Variants in ANO2 observed in about 807,000 individuals in gnomAD.
The protein encoded by ANO2 is anoctamin-2.
ANO2 carries 101 observed loss-of-function variants against 124.2 expected under a neutral mutation model. That is an observed-to-expected ratio of 0.81 (90% CI 0.69 to 0.96). The LOEUF is 0.96. Among genes scored for constraint, ANO2 ranks in the 40% least tolerant of loss-of-function variants. ANO2 has a pLI of 0.00. For synonymous variants in ANO2, 486 were observed against 482.5 expected, an observed-to-expected ratio of 1.01 and a Z score of -0.09; for missense variants, 1,293 against 1,274.5, an observed-to-expected ratio of 1.01 and a Z score of -0.22.
rs1218045692 is a variant in ANO2, at chr12:5,722,916, G to A, written c.1545+9604C>T. Among the ~76,000 whole-genome samples, 3 of 152,206 alleles carry A rather than the reference G, an allele frequency of 2.0e-5. No homozygotes were observed. In the East Asian group the frequency reaches 5.8e-4, roughly 29 times the overall value. On this transcript the variant is annotated intron_variant, in intron 14 of 24. Transcript: ENST00000682330. The stretch of plus-strand genomic sequence containing the variant: ...GGGAGGCGTTTGTCAGAATTTTTCT[G>A]AAGATGCTTTCATGTATAACTTGTG...
chr12:5,572,904 T>G (rs1176741733), intron 23 of ANO2, among the ~76,000 whole-genome samples: 2 of 152,176 alleles, frequency 1.3e-5, no homozygotes, highest in Non-Finnish European at 2.9e-5. Context: ...TCTACTTGCA[T>G]GGGAATAATG....
chr12:5,605,826 G>A (rs980142239), intron 19 of ANO2, among the ~76,000 whole-genome samples: 14 of 152,102 alleles, frequency 9.2e-5, no homozygotes, highest in South Asian at 2.1e-4. Context: ...ATTCAGCCAC[G>A]CTGCTCGCCA....
At chr12:5,917,021 C>A (rs953083605) in intron 3 of ANO2, among the ~76,000 whole-genome samples, 5 of 152,106 alleles carry the variant, frequency 3.3e-5, no homozygotes, top group African/African-American at 1.2e-4. Flanking sequence ...GGCTGTGTCA[C>A]CTGGAGTAGC....
intron 3 of ANO2, among the ~76,000 whole-genome samples, chr12:5,917,912 T>C (rs1941476593): frequency 6.6e-6 from 1 of 152,074 alleles, no homozygotes; most frequent in South Asian, 2.1e-4. Flanking sequence ...ACCAAAAGGA[T>C]GAGGTAAGCT....
At chr12:5,586,098 T>C (rs1266597977) in intron 20 of ANO2, among the ~76,000 whole-genome samples, 3 of 152,174 alleles carry the variant, frequency 2.0e-5, no homozygotes, top group Admixed American at 2.0e-4. Context: ...TTCCCTCCAT[T>C]CCTTCCTTCC....
chr12:5,721,440 G>T (rs1055288409), intron 14 of ANO2, among the ~76,000 whole-genome samples: 1 of 150,522 alleles, frequency 6.6e-6, no homozygotes, highest in East Asian at 1.9e-4. Context: ...GCTCTTGGCT[G>T]TCTGCTTTAC....
chr12:5,598,634 G>A (rs988879201), intron 20 of ANO2, among the ~76,000 whole-genome samples: 2 of 152,164 alleles, frequency 1.3e-5, no homozygotes, highest in African/African-American at 4.8e-5. Context: ...GGGATGACAG[G>A]CATGAGCCAC....
chr12:5,905,020 T>C (rs1940576637), intron 3 of ANO2, among the ~76,000 whole-genome samples: 8 of 152,152 alleles, frequency 5.3e-5, no homozygotes. Context: ...ACTCTAGGAC[T>C]CCCCTTTCCC....
At chr12:5,624,508 T>A (rs529358044) in intron 16 of ANO2, among the ~76,000 whole-genome samples, 215 of 152,136 alleles carry the variant, frequency 1.4e-3, no homozygotes, top group Non-Finnish European at 2.6e-3. Context: ...CACACACTGG[T>A]CTAAAACCTG....
At chr12:5,794,892 A>G (rs2137155143) in intron 10 of ANO2, among the ~76,000 whole-genome samples, 1 of 152,338 alleles carries the variant, frequency 6.6e-6, no homozygotes. Context: ...GTAATCACAG[A>G]TTGATCAACG....
intron 15 of ANO2, among the ~76,000 whole-genome samples, chr12:5,644,598 A>C (rs989110972): frequency 6.6e-6 from 1 of 152,170 alleles, no homozygotes; most frequent in Admixed American, 6.5e-5. Flanking sequence ...CCTCATGAGA[A>C]TTGGCATTAT....
intron 20 of ANO2, among the ~76,000 whole-genome samples, chr12:5,594,653 C>T (rs1943572792): frequency 1.3e-5 from 2 of 152,082 alleles, no homozygotes; most frequent in African/African-American, 4.8e-5. Context: ...CTGGGCAACA[C>T]AGTGAAACCT....
chr12:5,697,763 G>A (rs1450487136), intron 14 of ANO2, among the ~76,000 whole-genome samples: 1 of 152,194 alleles, frequency 6.6e-6, no homozygotes, highest in African/African-American at 2.4e-5. Context: ...CCCTAATACT[G>A]CGCTTTATCC....
At chr12:5,812,577 G>C (rs1384394194) in intron 7 of ANO2, among the ~76,000 whole-genome samples, 1 of 16,978 alleles carries the variant, frequency 5.9e-5, no homozygotes, top group Non-Finnish European at 2.1e-4. Flanking sequence ...AAGAAAAAAA[G>C]AAAGAGAAAG....
intron 14 of ANO2, among the ~76,000 whole-genome samples, chr12:5,675,234 C>T (rs1481981066): frequency 6.6e-6 from 1 of 152,184 alleles, no homozygotes; most frequent in African/African-American, 2.4e-5. Context: ...CACACATATC[C>T]TATTTGTCCT....
chr12:5,893,826 T>C (rs1939582303), intron 3 of ANO2, among the ~76,000 whole-genome samples: 1 of 152,208 alleles, frequency 6.6e-6, no homozygotes, highest in South Asian at 2.1e-4. Flanking sequence ...GAACTCATCC[T>C]TTTTTATGGC....
Position 5,945,196 on chromosome 12 carries a change from C to T in ANO2, c.22G>A (p.Asp8Asn), listed in dbSNP as rs1943052370. The T allele has an allele frequency of 1.6e-6, 2 of 1,288,584 alleles. No individual in the cohort carries two copies. Among genetic ancestry groups the T allele is most frequent in the East Asian group, 5.6e-5 (1 of 17,978 alleles). The allele number at this position is 1,288,584 out of a possible 1,614,324, so 79.8% of individuals were successfully genotyped here. The change falls in exon 1 of 25, where the codon GAT becomes AAT. Residue 8 changes from aspartate (D) to asparagine (N), a missense_variant and splice_region_variant. Coordinates refer to ENST00000682330, the MANE Select transcript of ANO2 (RefSeq NM_001364791.2). The stretch of plus-strand genomic sequence containing the variant: ...GACCAGGTCCAGCCGGAAAACTCAC[C>T]GCGCGGCCCGGGAGTCGCCATGATG... MATPGPR[D>N]IPLLPGSPRR...
chr12:5,656,464 C>T (rs1232913421), intron 14 of ANO2, among the ~76,000 whole-genome samples: 1 of 131,750 alleles, frequency 7.6e-6, no homozygotes, highest in African/African-American at 3.2e-5. Flanking sequence ...CCCACACACT[C>T]ACATTTGATC....
chr12:5,657,902 G>C (rs1439306583), intron 14 of ANO2, among the ~76,000 whole-genome samples: 1 of 152,204 alleles, frequency 6.6e-6, no homozygotes, highest in African/African-American at 2.4e-5. Context: ...GAGTTATGCT[G>C]TGATCTCCTG....
Sources: gnomAD v4.1 joint callset for allele counts (sites outside exome capture counted in the v4.1 genomes callset) on GRCh38, gnomAD v4.1.1 for gene constraint, MANE v1.5 for transcripts, NCBI Gene and HGNC (gene_info 2026-07-23, HGNC 2026-07-21) for gene names.